The following NSUN6 variants were observed in gnomAD, a reference collection of about 807,000 sequenced individuals.
NSUN6 encodes NOP2/Sun RNA methyltransferase 6.
A neutral mutation model predicts 58.0 loss-of-function variants in NSUN6; 64 were observed. The ratio of observed to expected loss-of-function variants is 1.10; its 90% CI spans 0.90 to 1.36. NSUN6 has a LOEUF of 1.36. NSUN6 is among the 40% of genes most tolerant of loss of function. The pLI is 0.00. For synonymous variants in NSUN6, 231 were observed against 193.9 expected (o/e 1.19, Z -1.59); for missense variants, 701 against 550.1 (o/e 1.27, Z -2.74).
intron 8 of NSUN6, among the ~76,000 whole-genome samples, chr10:18,585,450 G>A (rs542840389): frequency 1.3e-5 from 2 of 152,266 alleles, no homozygotes; most frequent in Admixed American, 6.5e-5. Context: ...ACATACACAC[G>A]ATGGAATACC....
At chr10:18,546,540 C>T (rs1236741427) in intron 10 of NSUN6, among the ~76,000 whole-genome samples, 1 of 152,100 alleles carries the variant, frequency 6.6e-6, no homozygotes, top group South Asian at 2.1e-4. Flanking sequence ...TGGTATCACA[C>T]CTGGCATATA....
At chr10:18,581,497 C>A (rs1365058240) in intron 8 of NSUN6, among the ~76,000 whole-genome samples, 1 of 152,118 alleles carries the variant, frequency 6.6e-6, no homozygotes, top group Non-Finnish European at 1.5e-5. Flanking sequence ...AATACTCTAT[C>A]CCTTGTTTAG....
At chr10:18,592,990 C>T (rs1006563871) in intron 7 of NSUN6, among the ~76,000 whole-genome samples, 3 of 151,892 alleles carry the variant, frequency 2.0e-5, no homozygotes, top group South Asian at 2.1e-4. Flanking sequence ...CCAGAATCTA[C>T]GAAGAACTTA....
rs546323924 is a variant in NSUN6, at chr10:18,632,721, C to A, written c.311+9755G>T. Reference sequence around the variant, plus strand: ...CCACAATGAGATGCCATCTCACACCCGTTAGAATGGCAATCATTAAAAAGT... The same window carrying A: ...CCACAATGAGATGCCATCTCACACCAGTTAGAATGGCAATCATTAAAAAGT... On this transcript the variant is annotated intron_variant, in intron 3 of 10. Coordinates refer to ENST00000377304, the MANE Select transcript of NSUN6 (RefSeq NM_182543.5). Among the ~76,000 whole-genome samples the A allele has an allele frequency of 6.3e-3, 962 of 152,224 alleles. 13 individuals are homozygous for A. The highest frequency in any genetic ancestry group is 0.022 in the African/African-American group (908 of 41,532).
intron 8 of NSUN6, among the ~76,000 whole-genome samples, chr10:18,572,774 T>C (rs1159812332): frequency 6.7e-6 from 1 of 150,248 alleles, no homozygotes; most frequent in African/African-American, 2.5e-5. Flanking sequence ...CCCATTCCAT[T>C]TCAAACTCCA....
chr10:18,580,527 C>T (rs1444422382), intron 8 of NSUN6, among the ~76,000 whole-genome samples: 1 of 152,164 alleles, frequency 6.6e-6, no homozygotes, highest in African/African-American at 2.4e-5. Flanking sequence ...CTTCCTCCAC[C>T]CAGCCCCCAT....
At position 18,587,634 on chromosome 10, in the gene NSUN6, G is replaced by A. The variant is rs183081086; in HGVS notation, c.778-1541C>T. Among the ~76,000 whole-genome samples, 594 of 152,160 alleles carry A rather than the reference G, an allele frequency of 3.9e-3. 4 individuals carry two copies. Among genetic ancestry groups the A allele is most frequent in the Non-Finnish European group, 6.5e-3 (440 of 68,000 alleles). ...TGGTTAGGCAGTGGGTGCAACGCAC[G>A]GACAGCCAGCAGAAATAGGATGGGG... On this transcript the variant is annotated intron_variant, in intron 7 of 10. Coordinates refer to ENST00000377304, the MANE Select transcript of NSUN6 (RefSeq NM_182543.5).
At chr10:18,547,595 A>G (rs1365266195) in intron 10 of NSUN6, among the ~76,000 whole-genome samples, 1 of 152,228 alleles carries the variant, frequency 6.6e-6, no homozygotes, top group Admixed American at 6.5e-5. Flanking sequence ...CCATAACATA[A>G]AGAGTTGTGT....
upstream of NSUN6, among the ~76,000 whole-genome samples, chr10:18,654,198 C>A (rs966816351): frequency 6.6e-6 from 1 of 152,020 alleles, no homozygotes; most frequent in Admixed American, 6.6e-5. Context: ...TGGGTTCAAG[C>A]GATTCTCCTG....
intron 8 of NSUN6, among the ~76,000 whole-genome samples, chr10:18,567,933 C>CTCCAT (rs2056086650): frequency 6.6e-6 from 1 of 150,886 alleles, no homozygotes; most frequent in Non-Finnish European, 1.5e-5. Flanking sequence ...CCATTCCATT[C>CTCCAT]TCCATTCCAT....
chr10:18,546,660 C>G (rs1237954215), intron 10 of NSUN6, among the ~76,000 whole-genome samples: 1 of 152,046 alleles, frequency 6.6e-6, no homozygotes, highest in Non-Finnish European at 1.5e-5. Flanking sequence ...GGCTGATTAC[C>G]TGAGGTCAGG....
At position 18,596,197 on chromosome 10, in the gene NSUN6, G is replaced by A; in HGVS notation, c.777+11C>T. ...ACTTTGAGAGTGGATTTGCTGTGAA[G>A]ACAGTCTCACCTGATCATGCATTAG... On this transcript the variant is annotated intron_variant, in intron 7 of 10. Coordinates refer to ENST00000377304, the MANE Select transcript of NSUN6 (RefSeq NM_182543.5). 6.2e-7 allele frequency: 1 copy of A among 1,606,358 alleles called. No homozygotes were observed. The highest frequency in any genetic ancestry group is 2.2e-5 in the East Asian group (1 of 44,830).
intron 3 of NSUN6, among the ~76,000 whole-genome samples, chr10:18,641,960 C>G (rs921264631): frequency 6.6e-6 from 1 of 152,002 alleles, no homozygotes; most frequent in Admixed American, 6.6e-5. Flanking sequence ...CCCAGCTACT[C>G]AGAAGCTGAG....
intron 6 of NSUN6, among the ~76,000 whole-genome samples, chr10:18,600,965 T>TATATATATATGTATATATATATATATAC (rs2057807726): frequency 3.8e-5 from 4 of 105,336 alleles, no homozygotes; most frequent in Non-Finnish European, 7.4e-5. Flanking sequence ...TATATACATA[T>TATATATATATGTATATATATATATATAC]ATATATATAT....
intron 7 of NSUN6, among the ~76,000 whole-genome samples, chr10:18,592,006 C>G (rs2057395403): frequency 6.6e-6 from 1 of 152,102 alleles, no homozygotes; most frequent in Admixed American, 6.5e-5. Flanking sequence ...GGCTGATAAG[C>G]AACTTCAGCA....
chr10:18,636,975 T>G (rs905632426), intron 3 of NSUN6, among the ~76,000 whole-genome samples: 12 of 148,468 alleles, frequency 8.1e-5, no homozygotes, highest in Non-Finnish European at 1.6e-4. Context: ...TTTTTTTTTT[T>G]TTTTGAGATG....
chr10:18,577,082 T>C (rs1034255594), intron 8 of NSUN6, among the ~76,000 whole-genome samples: 1 of 152,146 alleles, frequency 6.6e-6, no homozygotes, highest in African/African-American at 2.4e-5. Context: ...ACTATATCTA[T>C]TACAACCAAC....
At chr10:18,568,535 C>G (rs1564733295) in intron 8 of NSUN6, among the ~76,000 whole-genome samples, 1 of 151,266 alleles carries the variant, frequency 6.6e-6, no homozygotes, top group Non-Finnish European at 1.5e-5. Flanking sequence ...AATCCATTCT[C>G]CATTCCATTC....
chr10:18,566,954 T>G lies in NSUN6; in HGVS notation c.923-14983A>C, dbSNP rs995384060. Among the ~76,000 whole-genome samples the G allele has an allele frequency of 1.9e-4, 28 of 149,818 alleles. No homozygotes were observed. The Admixed American group carries it at 1.9e-3, about 10-fold the overall frequency. On this transcript the variant is annotated intron_variant, in intron 8 of 10. Coordinates refer to ENST00000377304, the MANE Select transcript of NSUN6 (RefSeq NM_182543.5). ...TCTCCATTCCAGCCTCCATTATATT[T>G]CATTCTATTCCATTCTCCATTCCAT... is the stretch of plus-strand genomic sequence containing the variant.
Sources: gnomAD v4.1 joint callset for allele counts (sites outside exome capture counted in the v4.1 genomes callset) on GRCh38, gnomAD v4.1.1 for gene constraint, MANE v1.5 for transcripts, NCBI Gene and HGNC (gene_info 2026-07-23, HGNC 2026-07-21) for gene names.